Variants in GSG1L observed in about 807,000 individuals in gnomAD.
GSG1L encodes the protein GSG1 like.
In GSG1L, 24 loss-of-function variants were observed where a neutral mutation model predicts 42.1. That is an observed-to-expected ratio of 0.57 (90% CI 0.41 to 0.80). The LOEUF is 0.80. Among genes scored for constraint, GSG1L ranks in the 30% least tolerant of loss-of-function variants. GSG1L has a pLI of 0.00. For missense variants in GSG1L, 445 were observed against 472.2 expected, an observed-to-expected ratio of 0.94 and a Z score of 0.53; for synonymous variants, 215 against 203.5, an observed-to-expected ratio of 1.06 and a Z score of -0.48.
intron 5 of GSG1L, among the ~76,000 whole-genome samples, chr16:27,818,968 G>A (rs961076615): frequency 1.5e-4 from 23 of 152,128 alleles, no homozygotes; most frequent in African/African-American, 4.8e-4. Flanking sequence ...AAGAGACCTC[G>A]GCCGGGCGCG....
At chr16:27,880,755 A>G (rs1340788979) in intron 3 of GSG1L, among the ~76,000 whole-genome samples, 1 of 152,112 alleles carries the variant, frequency 6.6e-6, no homozygotes, top group Non-Finnish European at 1.5e-5. Flanking sequence ...CCTGTGGCCA[A>G]CGACAAACTT....
intron 1 of GSG1L, among the ~76,000 whole-genome samples, chr16:28,026,693 G>A (rs1307240317): frequency 4.6e-5 from 7 of 152,180 alleles, no homozygotes; most frequent in Admixed American, 1.3e-4. Context: ...TCCCATCCTC[G>A]TGACAGGGCA....
chr16:27,934,066 C>A (rs868832315), intron 2 of GSG1L, among the ~76,000 whole-genome samples: 18 of 152,336 alleles, frequency 1.2e-4, no homozygotes, highest in Middle Eastern at 6.8e-3. Flanking sequence ...CATGAGACAG[C>A]AGAGGTGCTT....
intron 2 of GSG1L, among the ~76,000 whole-genome samples, chr16:27,900,260 G>A (rs965844755): frequency 2.0e-5 from 3 of 152,184 alleles, no homozygotes; most frequent in East Asian, 1.9e-4. Context: ...GCCAAGCACC[G>A]AGCTGGCACC....
chr16:27,822,619 A>T (rs1240019123), intron 5 of GSG1L, among the ~76,000 whole-genome samples: 1 of 152,032 alleles, frequency 6.6e-6, no homozygotes, highest in Non-Finnish European at 1.5e-5. Flanking sequence ...GGGTCTTGCT[A>T]TGTTGCCCAG....
intron 3 of GSG1L, among the ~76,000 whole-genome samples, chr16:27,846,615 A>T (rs1466973906): frequency 6.6e-6 from 1 of 152,232 alleles, no homozygotes; most frequent in Admixed American, 6.5e-5. Flanking sequence ...TCACTCAAAG[A>T]TACCTTGGTG....
intron 1 of GSG1L, among the ~76,000 whole-genome samples, chr16:28,004,573 GAGACC>G (rs1478763304): frequency 2.9e-5 from 3 of 104,632 alleles, no homozygotes; most frequent in Non-Finnish European, 4.3e-5. Context: ...TCATGAGTTT[GAGACC>G]AGCCAGGGCA....
intron 1 of GSG1L, among the ~76,000 whole-genome samples, chr16:28,001,471 G>A (rs1441190073): frequency 6.6e-6 from 1 of 152,190 alleles, no homozygotes. Flanking sequence ...AATATGTCAA[G>A]GGACCATTGT....
At chr16:27,915,233 A>ACACC (rs2084440447) in intron 2 of GSG1L, among the ~76,000 whole-genome samples, 1 of 141,228 alleles carries the variant, frequency 7.1e-6, no homozygotes, top group Non-Finnish European at 1.5e-5. Flanking sequence ...ACACACACAC[A>ACACC]CACACACCCT....
intron 2 of GSG1L, among the ~76,000 whole-genome samples, chr16:27,958,623 G>A (rs1235899494): frequency 6.6e-6 from 1 of 151,994 alleles, no homozygotes; most frequent in Admixed American, 6.6e-5. Context: ...ATACCCAAGG[G>A]TGGGTTTATA....
chr16:28,049,528 A>AC (rs2086200026), intron 1 of GSG1L, among the ~76,000 whole-genome samples: 1 of 151,918 alleles, frequency 6.6e-6, no homozygotes, highest in African/African-American at 2.4e-5. Context: ...AAAAAAAAAA[A>AC]AATTAAAAAT....
intron 4 of GSG1L, among the ~76,000 whole-genome samples, chr16:27,831,223 A>T (rs1019331538): frequency 4.6e-5 from 7 of 152,168 alleles, no homozygotes; most frequent in African/African-American, 1.7e-4. Flanking sequence ...CCAGCCTGAG[A>T]ATGAAATTGA....
At chr16:27,938,500 T>G (rs1266089839) in intron 2 of GSG1L, among the ~76,000 whole-genome samples, 1 of 152,002 alleles carries the variant, frequency 6.6e-6, no homozygotes, top group African/African-American at 2.4e-5. Context: ...AAACACTGGC[T>G]GGAGCCTTGA....
intron 1 of GSG1L, among the ~76,000 whole-genome samples, chr16:27,990,294 G>A (rs1159541123): frequency 6.6e-6 from 1 of 152,062 alleles, no homozygotes; most frequent in African/African-American, 2.4e-5. Flanking sequence ...GCAAAATGGA[G>A]ACATTTACAT....
intron 6 of GSG1L, among the ~76,000 whole-genome samples, chr16:27,804,092 G>A (rs1249074546): frequency 7.1e-6 from 1 of 140,168 alleles, no homozygotes; most frequent in African/African-American, 2.6e-5. Flanking sequence ...AAGAAATAGG[G>A]AGGGACAGAG....
chr16:27,986,968 G>A (rs550405883), intron 1 of GSG1L, among the ~76,000 whole-genome samples: 21 of 152,362 alleles, frequency 1.4e-4, no homozygotes, highest in East Asian at 5.8e-4. Context: ...TGTAATCCCA[G>A]CACTTTGGGA....
chr16:27,830,320 T>G (rs1286299078), intron 4 of GSG1L, among the ~76,000 whole-genome samples: 1 of 152,106 alleles, frequency 6.6e-6, no homozygotes, highest in African/African-American at 2.4e-5. Context: ...CCTCCCCTGC[T>G]GCCAGCCCAC....
chr16:27,977,683 T>G (rs1233419815), intron 1 of GSG1L, among the ~76,000 whole-genome samples: 1 of 151,986 alleles, frequency 6.6e-6, no homozygotes, highest in Non-Finnish European at 1.5e-5. Context: ...ATTTCCATCT[T>G]TTGCAAAAGT....
chr16:27,889,887 C>G (rs943160977), intron 2 of GSG1L, among the ~76,000 whole-genome samples: 3 of 152,196 alleles, frequency 2.0e-5, no homozygotes, highest in Non-Finnish European at 2.9e-5. Flanking sequence ...GATTATATCC[C>G]CGAATCTTCC....
Sources: gnomAD v4.1 joint callset for allele counts (sites outside exome capture counted in the v4.1 genomes callset) on GRCh38, gnomAD v4.1.1 for gene constraint, MANE v1.5 for transcripts, NCBI Gene and HGNC (gene_info 2026-07-23, HGNC 2026-07-21) for gene names.